DENND1A: variants seen among roughly 807,000 people sequenced by gnomAD.
DENND1A encodes the protein DENN domain-containing protein 1A.
DENND1A carries 51 observed loss-of-function variants against 113.7 expected under a neutral mutation model. That is an observed-to-expected ratio of 0.45 (90% CI 0.36 to 0.57). The LOEUF (loss-of-function observed/expected upper bound fraction) is 0.57, where lower values mean the gene tolerates loss of function less well. Ranked by LOEUF, DENND1A falls within the 20% of genes least tolerant of loss-of-function variation. The pLI, the probability that DENND1A is intolerant of heterozygous loss-of-function variation, is 0.00. For synonymous variants in DENND1A, 565 were observed against 570.8 expected, an observed-to-expected ratio of 0.99 and a Z score of 0.14; for missense variants, 1,258 against 1,395.9, an observed-to-expected ratio of 0.90 and a Z score of 1.57.
intron 20 of DENND1A, among the ~76,000 whole-genome samples, chr9:123,404,863 T>C (rs1172767737): frequency 0.062 from 3 of 48 alleles, no homozygotes. Flanking sequence ...CACACTCCAC[T>C]TCCTGCCCAC....
At chr9:123,573,671 A>G (rs2058476716) in intron 12 of DENND1A, among the ~76,000 whole-genome samples, 1 of 152,160 alleles carries the variant, frequency 6.6e-6, no homozygotes, top group South Asian at 2.1e-4. Flanking sequence ...AAATTCATTT[A>G]TGAGACTCCT....
At chr9:123,809,349 T>C (rs1440298913) in intron 2 of DENND1A, among the ~76,000 whole-genome samples, 1 of 152,218 alleles carries the variant, frequency 6.6e-6, no homozygotes, top group Non-Finnish European at 1.5e-5. Flanking sequence ...TCAGCAGACC[T>C]AGATTCTGCC....
At chr9:123,691,601 A>C (rs1356438834) in intron 5 of DENND1A, among the ~76,000 whole-genome samples, 2 of 149,530 alleles carry the variant, frequency 1.3e-5, no homozygotes, top group Non-Finnish European at 3.0e-5. Context: ...AATAGTAGAG[A>C]TGAAACTAGA....
At position 123,556,062 on chromosome 9, in the gene DENND1A, G is replaced by A. The variant is rs16926619; in HGVS notation, c.993+1508C>T. On this transcript the variant is annotated intron_variant, in intron 13 of 23. Coordinates refer to ENST00000394215, the MANE Select transcript of DENND1A (RefSeq NM_001352964.2). ...GATTGGTTTGGCTGGACCCAAGATC[G>A]TGACAAGTAATCAGAGCCATGTCAC... Among the ~76,000 whole-genome samples the A allele has an allele frequency of 1.4e-3, 211 of 152,308 alleles. 2 individuals are homozygous for A. Among genetic ancestry groups the A allele is most frequent in the African/African-American group, 4.8e-3 (199 of 41,560 alleles).
chr9:123,437,075 T>C (rs2046578494), intron 19 of DENND1A, among the ~76,000 whole-genome samples: 1 of 152,158 alleles, frequency 6.6e-6, no homozygotes, highest in Non-Finnish European at 1.5e-5. Flanking sequence ...AGAGGGAGCC[T>C]CTGGGGGGCC....
intron 13 of DENND1A, among the ~76,000 whole-genome samples, chr9:123,519,109 A>T (rs59067132): frequency 0.35 from 53,339 of 152,042 alleles, 9,661 homozygotes; most frequent in African/African-American, 0.45. Context: ...CCCAACACGG[A>T]TGGCTGATGT....
At chr9:123,410,610 A>G (rs968295895) in intron 20 of DENND1A, among the ~76,000 whole-genome samples, 1 of 152,202 alleles carries the variant, frequency 6.6e-6, no homozygotes, top group Admixed American at 6.5e-5. Flanking sequence ...AAACTGTGCC[A>G]CAGAATGGCC....
At chr9:123,874,893 C>T (rs1317313291) in intron 2 of DENND1A, among the ~76,000 whole-genome samples, 2 of 152,074 alleles carry the variant, frequency 1.3e-5, no homozygotes, top group African/African-American at 2.4e-5. Flanking sequence ...CAAGTATGTT[C>T]TATATGGAAA....
intron 13 of DENND1A, among the ~76,000 whole-genome samples, chr9:123,505,732 T>C (rs1301607108): frequency 6.6e-6 from 1 of 152,188 alleles, no homozygotes; most frequent in Non-Finnish European, 1.5e-5. Flanking sequence ...ACCGTTCCAC[T>C]TAAAAGCCCA....
At chr9:123,572,284 C>G (rs779942956) in intron 12 of DENND1A, among the ~76,000 whole-genome samples, 10 of 152,138 alleles carry the variant, frequency 6.6e-5, no homozygotes, top group Admixed American at 5.9e-4. Flanking sequence ...TTAGTTTCTT[C>G]TTCTTGATTG....
intron 21 of DENND1A, chr9:123,402,055 G>A: frequency 8.4e-7 from 1 of 1,195,022 alleles, no homozygotes; most frequent in Non-Finnish European, 1.2e-6. Flanking sequence ...TCCCCTTAAG[G>A]AGGAATCTTT....
chr9:123,693,781 A>G (rs1287592957), intron 5 of DENND1A, among the ~76,000 whole-genome samples: 2 of 148,736 alleles, frequency 1.3e-5, no homozygotes, highest in Non-Finnish European at 3.0e-5. Flanking sequence ...AAAACAGTAT[A>G]TCATCCACAA....
intron 8 of DENND1A, among the ~76,000 whole-genome samples, chr9:123,659,094 G>C (rs968792038): frequency 6.6e-6 from 1 of 152,170 alleles, no homozygotes; most frequent in Non-Finnish European, 1.5e-5. Context: ...AACAGTGCCC[G>C]ATCTGATCCA....
rs573514225 is a variant in DENND1A, at chr9:123,595,543, T to C, written c.766-12273A>G. On this transcript the variant is annotated intron_variant, in intron 11 of 23. Transcript: ENST00000394215. Reference sequence around the variant, plus strand: ...TAGTATGCAGCAGACCAGTGGACCATTCCCACTCACCCACCAGCCCCATTC... The same window carrying C: ...TAGTATGCAGCAGACCAGTGGACCACTCCCACTCACCCACCAGCCCCATTC... Among the ~76,000 whole-genome samples, 41 of 152,148 alleles carry C rather than the reference T, an allele frequency of 2.7e-4. No homozygotes were observed. The South Asian group carries it at 8.5e-3, about 32-fold the overall frequency.
intron 5 of DENND1A, among the ~76,000 whole-genome samples, chr9:123,735,238 C>T (rs183532087): frequency 8.5e-5 from 13 of 152,308 alleles, no homozygotes; most frequent in Non-Finnish European, 1.6e-4. Flanking sequence ...TAAACCAGCT[C>T]ATCCAGGAAG....
intron 5 of DENND1A, among the ~76,000 whole-genome samples, chr9:123,738,340 T>TTGCCTTCC (rs983923696): frequency 6.6e-6 from 1 of 152,026 alleles, no homozygotes; most frequent in African/African-American, 2.4e-5. Flanking sequence ...ACATCAAACA[T>TTGCCTTCC]TGCCTTCCTG....
rs768926837 is a variant in DENND1A, at chr9:123,457,469, G to A, written c.1099-34C>T. The A allele has an allele frequency of 1.0e-5, 16 of 1,545,984 alleles. No homozygotes were observed. Among genetic ancestry groups the A allele is most frequent in the South Asian group, 3.4e-5 (3 of 89,492 alleles). On this transcript the variant is annotated intron_variant, in intron 14 of 23. Coordinates refer to ENST00000394215, the MANE Select transcript of DENND1A (RefSeq NM_001352964.2). The stretch of plus-strand genomic sequence containing the variant: ...AGAAGGAACAAAAGCACAACAGCTC[G>A]TACAAAGAAAAGGGGGAAAAACCAT...
At chr9:123,880,166 C>T (rs1383712937) in intron 1 of DENND1A, among the ~76,000 whole-genome samples, 1 of 152,266 alleles carries the variant, frequency 6.6e-6, no homozygotes, top group East Asian at 1.9e-4. Flanking sequence ...GAACACACCA[C>T]CACGCCCAGC....
At chr9:123,898,745 T>G (rs1851152532) in intron 1 of DENND1A, among the ~76,000 whole-genome samples, 1 of 152,274 alleles carries the variant, frequency 6.6e-6, no homozygotes, top group Non-Finnish European at 1.5e-5. Context: ...CAAAAGACTT[T>G]AATTTTGATA....
Sources: gnomAD v4.1 joint callset for allele counts (sites outside exome capture counted in the v4.1 genomes callset) on GRCh38, gnomAD v4.1.1 for gene constraint, MANE v1.5 for transcripts, NCBI Gene and HGNC (gene_info 2026-07-23, HGNC 2026-07-21) for gene names.